The following LHFPL6 variants were observed in gnomAD, a reference collection of about 807,000 sequenced individuals.
The protein encoded by LHFPL6 is LHFPL tetraspan subfamily member 6 protein.
A neutral mutation model predicts 20.6 loss-of-function variants in LHFPL6; 9 were observed. That is an observed-to-expected ratio of 0.44 (90% CI 0.26 to 0.76). LHFPL6 has a LOEUF of 0.76. Among genes scored for constraint, LHFPL6 ranks in the 30% least tolerant of loss-of-function variants. LHFPL6 has a pLI of 0.20. For synonymous variants in LHFPL6, 105 were observed against 98.7 expected (o/e 1.06, Z -0.38); for missense variants, 218 against 253.5 (o/e 0.86, Z 0.95).
chr13:39,496,122 TTGTC>T (rs1429479499), intron 2 of LHFPL6, among the ~76,000 whole-genome samples: 1 of 152,182 alleles, frequency 6.6e-6, no homozygotes, highest in South Asian at 2.1e-4. Flanking sequence ...CCTTGCATCT[TTGTC>T]TGGGCTGCTG....
At chr13:39,436,561 C>T (rs1324828545) in intron 2 of LHFPL6, among the ~76,000 whole-genome samples, 1 of 152,188 alleles carries the variant, frequency 6.6e-6, no homozygotes, top group Non-Finnish European at 1.5e-5. Flanking sequence ...TTCTCCATAG[C>T]CCCTGTCCCG....
At chr13:39,484,219 C>G (rs546922574) in intron 2 of LHFPL6, among the ~76,000 whole-genome samples, 9 of 152,240 alleles carry the variant, frequency 5.9e-5, no homozygotes, top group African/African-American at 2.2e-4. Context: ...CAAAGTGTGG[C>G]CGGAATGAAC....
intron 2 of LHFPL6, among the ~76,000 whole-genome samples, chr13:39,432,154 AT>A (rs918564237): frequency 6.6e-6 from 1 of 152,144 alleles, no homozygotes; most frequent in Admixed American, 6.5e-5. Flanking sequence ...CAGCGCCTTG[AT>A]TTTGGACTTC....
chr13:39,445,069 T>C (rs1237881749), intron 2 of LHFPL6, among the ~76,000 whole-genome samples: 2 of 152,204 alleles, frequency 1.3e-5, no homozygotes, highest in Non-Finnish European at 2.9e-5. Context: ...TCTCTTGCTA[T>C]CTCTTGTGCA....
chr13:39,485,137 T>G (rs1868683751), intron 2 of LHFPL6, among the ~76,000 whole-genome samples: 1 of 152,138 alleles, frequency 6.6e-6, no homozygotes, highest in Non-Finnish European at 1.5e-5. Flanking sequence ...AATACTACAT[T>G]TAGTACCAGA....
intron 3 of LHFPL6, among the ~76,000 whole-genome samples, chr13:39,358,227 C>G (rs568838176): frequency 6.6e-6 from 1 of 152,092 alleles, no homozygotes; most frequent in South Asian, 2.1e-4. Flanking sequence ...AATAGAGAAC[C>G]TAGAAATAAA....
intron 2 of LHFPL6, among the ~76,000 whole-genome samples, chr13:39,411,625 C>A (rs1461472135): frequency 1.3e-5 from 2 of 152,170 alleles, no homozygotes; most frequent in Admixed American, 6.5e-5. Flanking sequence ...GGACAGAGAC[C>A]TGGGACTTTC....
intron 2 of LHFPL6, among the ~76,000 whole-genome samples, chr13:39,528,336 A>G (rs1870357699): frequency 1.3e-5 from 2 of 152,214 alleles, no homozygotes; most frequent in South Asian, 4.1e-4. Context: ...AAAAAACTAG[A>G]TATCTGTATT....
intron 2 of LHFPL6, among the ~76,000 whole-genome samples, chr13:39,407,961 C>T (rs1042027602): frequency 6.6e-6 from 1 of 152,204 alleles, no homozygotes; most frequent in African/African-American, 2.4e-5. Flanking sequence ...CTGTCTGGGA[C>T]ACAGTGTTCA....
At chr13:39,602,707 A>T (rs1593381840) in intron 1 of LHFPL6, among the ~76,000 whole-genome samples, 176 bp downstream of exon 1, 1 of 151,980 alleles carries the variant, frequency 6.6e-6, no homozygotes, top group Non-Finnish European at 1.5e-5. Flanking sequence ...GGAAGGCAGC[A>T]CCCCCCGGAG....
At chr13:39,383,377 C>G (rs1050939760) in intron 2 of LHFPL6, among the ~76,000 whole-genome samples, 14 of 152,192 alleles carry the variant, frequency 9.2e-5, no homozygotes, top group African/African-American at 2.9e-4. Flanking sequence ...CATGCAGTAG[C>G]CAATAGCCAC....
intron 2 of LHFPL6, among the ~76,000 whole-genome samples, chr13:39,495,617 G>GT (rs1869074211): frequency 7.8e-6 from 1 of 128,450 alleles, no homozygotes; most frequent in Non-Finnish European, 1.7e-5. Flanking sequence ...TTTTTTTTTT[G>GT]TAAGTATATG....
Position 39,467,159 on chromosome 13 carries a change from C to T in LHFPL6, c.386-88633G>A, listed in dbSNP as rs572485099. 3.9e-5 allele frequency among the ~76,000 whole-genome samples: 6 copies of T among 152,190 alleles called. No individual in the cohort carries two copies. The South Asian group carries it at 1.2e-3, about 32-fold the overall frequency. ...CCCATCTTACTGTTCCCCTTAACTGCCGTTATTCATCTGTTCCCCTTAACT... is the reference window on the plus strand; with the variant it reads ...CCCATCTTACTGTTCCCCTTAACTGTCGTTATTCATCTGTTCCCCTTAACT... On this transcript the variant is annotated intron_variant, in intron 2 of 3. Coordinates refer to ENST00000379589, the MANE Select transcript of LHFPL6 (RefSeq NM_005780.3).
At chr13:39,441,811 C>A (rs9315686) in intron 2 of LHFPL6, among the ~76,000 whole-genome samples, 1 of 149,446 alleles carries the variant, frequency 6.7e-6, no homozygotes, top group Non-Finnish European at 1.5e-5. Context: ...CTACACTGCA[C>A]CTGGGCTAAA....
chr13:39,570,240 C>T (rs546300484), intron 2 of LHFPL6, among the ~76,000 whole-genome samples: 1 of 152,284 alleles, frequency 6.6e-6, no homozygotes, highest in South Asian at 2.1e-4. Context: ...CTCCTGGATT[C>T]AGGCAATCTC....
chr13:39,467,989 C>A (rs1162333979), intron 2 of LHFPL6, among the ~76,000 whole-genome samples: 1 of 152,160 alleles, frequency 6.6e-6, no homozygotes, highest in Admixed American at 6.6e-5. Context: ...AGATCATTTT[C>A]AGGGAAGCTT....
At chr13:39,456,021 T>C (rs1480810395) in intron 2 of LHFPL6, among the ~76,000 whole-genome samples, 1 of 152,234 alleles carries the variant, frequency 6.6e-6, no homozygotes, top group Non-Finnish European at 1.5e-5. Flanking sequence ...AGCTGGAATG[T>C]GTTGCTCAGA....
intron 2 of LHFPL6, among the ~76,000 whole-genome samples, chr13:39,566,731 TA>T (rs3035077): frequency 0.31 from 21,426 of 69,518 alleles, 2,302 homozygotes; most frequent in Middle Eastern, 0.37. Context: ...AGACCCTGTC[TA>T]AAAAAAAAAA....
At chr13:39,483,279 A>C (rs747047418) in intron 2 of LHFPL6, among the ~76,000 whole-genome samples, 75 of 152,166 alleles carry the variant, frequency 4.9e-4, no homozygotes, top group Admixed American at 1.0e-3. Context: ...TCTAGCTGTC[A>C]AAATGTGTAC....
Sources: gnomAD v4.1 joint callset for allele counts (sites outside exome capture counted in the v4.1 genomes callset) on GRCh38, gnomAD v4.1.1 for gene constraint, MANE v1.5 for transcripts, NCBI Gene and HGNC (gene_info 2026-07-23, HGNC 2026-07-21) for gene names.